The following HMCN1 variants were observed in gnomAD, a reference collection of about 807,000 sequenced individuals.
HMCN1 encodes hemicentin-1.
In HMCN1, 321 loss-of-function variants were observed where a neutral mutation model predicts 625.9. That is an observed-to-expected ratio of 0.51 (90% confidence interval 0.47 to 0.56). HMCN1 has a LOEUF of 0.56. HMCN1 is among the 20% of genes least tolerant of loss of function. The pLI is 0.00. For synonymous variants in HMCN1, 2,425 were observed against 2,417.6 expected (o/e 1.00, Z -0.09); for missense variants, 6,588 against 6,887.3 (o/e 0.96, Z 1.54).
chr1:186,070,833 A>G, intron 52 of HMCN1, 76 bp downstream of exon 52: 1 of 1,381,382 alleles, frequency 7.2e-7, no homozygotes, highest in Non-Finnish European at 1.0e-6. Flanking sequence ...ATAATAAAAT[A>G]GACACAAGTG....
chr1:186,064,896 C>G (rs1258746755), intron 48 of HMCN1, among the ~76,000 whole-genome samples: 1 of 149,320 alleles, frequency 6.7e-6, no homozygotes, highest in African/African-American at 2.5e-5. Flanking sequence ...TATTTAAAAA[C>G]TGTACTTTAC....
At chr1:185,948,615 T>TG (rs1276898672) in intron 11 of HMCN1, among the ~76,000 whole-genome samples, 1 of 151,476 alleles carries the variant, frequency 6.6e-6, no homozygotes, top group Non-Finnish European at 1.5e-5. Context: ...TCAGTTAAGG[T>TG]GGGGCAGGGC....
At chr1:186,172,254 T>G in intron 102 of HMCN1, 123 bp downstream of exon 102, 1 of 1,324,194 alleles carries the variant, frequency 7.6e-7, no homozygotes, top group Non-Finnish European at 1.1e-6. Context: ...TCTTTTTCCA[T>G]AAGTACTCCC....
Position 185,909,324 on chromosome 1 carries a change from T to C in HMCN1, c.622-13T>C. The C allele has an allele frequency of 4.4e-6, 7 of 1,601,510 alleles. No homozygotes were observed. Among genetic ancestry groups the C allele is most frequent in the Non-Finnish European group, 6.0e-6 (7 of 1,168,880 alleles). ...TTTCTGATATCACTTACACTTCTCT[T>C]TCTCTCTTATAGGTATTAAAATGGG... On this transcript the variant is annotated splice_polypyrimidine_tract_variant and intron_variant, in intron 4 of 106. Transcript: ENST00000271588.
intron 48 of HMCN1, among the ~76,000 whole-genome samples, chr1:186,064,439 A>G (rs1195169067): frequency 2.0e-5 from 3 of 152,090 alleles, no homozygotes; most frequent in Non-Finnish European, 2.9e-5. Context: ...TATAGACTCA[A>G]AATATCTGCA....
intron 93 of HMCN1, among the ~76,000 whole-genome samples, chr1:186,147,665 G>T (rs6703518): frequency 0.59 from 90,292 of 152,032 alleles, 29,731 homozygotes; most frequent in African/African-American, 0.89. Context: ...ACAGAGCAAG[G>T]CACATGAATG....
intron 4 of HMCN1, among the ~76,000 whole-genome samples, chr1:185,888,998 G>T (rs6662603): frequency 0.049 from 7,115 of 145,072 alleles, 1,104 homozygotes; most frequent in African/African-American, 0.19. Flanking sequence ...GCAGCGGTTT[G>T]TAGTTCTCCT....
chr1:185,856,108 A>G (rs1045521986), intron 2 of HMCN1, among the ~76,000 whole-genome samples: 1 of 152,242 alleles, frequency 6.6e-6, no homozygotes, highest in South Asian at 2.1e-4. Flanking sequence ...AATGTAATTT[A>G]ATGGTTTTCA....
At position 185,734,792 on chromosome 1, in the gene HMCN1, G is replaced by A. The variant is rs769189508; in HGVS notation, c.13G>A (p.Glu5Lys). The A allele has an allele frequency of 1.2e-5, 20 of 1,614,072 alleles. No homozygotes were observed. Among genetic ancestry groups the A allele is most frequent in the Non-Finnish European group, 1.7e-5 (20 of 1,180,020 alleles). MISW[E>K]VVHTVFLFAL... ...GAAAAAAAAGAAAATGATTTCCTGG[G>A]AAGTTGTCCATACAGTATTCCTGTT... The change falls in exon 1 of 107, where the codon GAA (glutamate) becomes AAA (lysine). Residue 5 changes from glutamate (E) to lysine (K), a missense_variant. Physicochemically the swap from Glu to Lys is moderately conservative, Grantham distance 56 (BLOSUM62 1). Transcript: ENST00000271588.
At chr1:185,799,836 C>A (rs552877033) in intron 1 of HMCN1, among the ~76,000 whole-genome samples, 13 of 152,242 alleles carry the variant, frequency 8.5e-5, no homozygotes, top group South Asian at 8.3e-4. Context: ...CCTTTATTAA[C>A]CAGAAATACT....
chr1:185,900,537 A>G (rs936081846), intron 4 of HMCN1, among the ~76,000 whole-genome samples: 3 of 151,938 alleles, frequency 2.0e-5, no homozygotes, highest in African/African-American at 7.2e-5. Flanking sequence ...TTTAGTCCAC[A>G]TAGATGGCTC....
At chr1:186,128,441 C>T (rs995967452) in intron 83 of HMCN1, 150 bp downstream of exon 83, 3 of 692,474 alleles carry the variant, frequency 4.3e-6, no homozygotes, top group Non-Finnish European at 7.6e-6. Context: ...GGATTTTACC[C>T]TCTACCCAAT....
intron 34 of HMCN1, 62 bp from the exon 35 acceptor site, chr1:186,019,479 T>C: frequency 1.6e-6 from 2 of 1,219,720 alleles, no homozygotes; most frequent in East Asian, 4.7e-5. Context: ...CTTGCATACA[T>C]ATTTTTAAGT....
At chr1:185,847,919 C>T (rs1367562324) in intron 2 of HMCN1, among the ~76,000 whole-genome samples, 3 of 151,896 alleles carry the variant, frequency 2.0e-5, no homozygotes. Flanking sequence ...TACTACTACA[C>T]TACAGTGTGG....
intron 4 of HMCN1, among the ~76,000 whole-genome samples, chr1:185,906,289 A>T (rs1666091533): frequency 6.6e-6 from 1 of 151,780 alleles, no homozygotes; most frequent in Non-Finnish European, 1.5e-5. Context: ...TTATAAGTGG[A>T]TAAAAAAAGT....
chr1:185,784,065 C>T (rs1259101404), intron 1 of HMCN1, among the ~76,000 whole-genome samples: 3 of 152,204 alleles, frequency 2.0e-5, no homozygotes, highest in Non-Finnish European at 4.4e-5. Flanking sequence ...GTCGCCCCTC[C>T]CCCCGCCTCG....
At chr1:186,036,885 C>T (rs889453693) in intron 36 of HMCN1, among the ~76,000 whole-genome samples, 1 of 151,900 alleles carries the variant, frequency 6.6e-6, no homozygotes, top group Admixed American at 6.6e-5. Context: ...CTACCACACC[C>T]GGCCACCCAT....
intron 97 of HMCN1, among the ~76,000 whole-genome samples, chr1:186,162,191 T>G (rs142004195): frequency 2.7e-4 from 41 of 152,358 alleles, no homozygotes; most frequent in African/African-American, 9.9e-4. Flanking sequence ...CTGATGTCCT[T>G]TCTTCCAGTT....
chr1:186,006,363 C>T (rs1405306793), intron 29 of HMCN1, among the ~76,000 whole-genome samples: 1 of 152,004 alleles, frequency 6.6e-6, no homozygotes, highest in Non-Finnish European at 1.5e-5. Flanking sequence ...AAAAAACTAG[C>T]TATGGATATT....
Sources: allele counts gnomAD v4.1 joint callset (sites outside exome capture counted in the v4.1 genomes callset), GRCh38; gene constraint gnomAD v4.1.1; transcripts MANE v1.5; gene names NCBI Gene and HGNC (gene_info 2026-07-23, HGNC 2026-07-21).